Variants in MSRA observed in about 807,000 individuals in gnomAD.
The protein encoded by MSRA is mitochondrial peptide methionine sulfoxide reductase.
MSRA carries 54 observed loss-of-function variants against 31.3 expected under a neutral mutation model. The ratio of observed to expected loss-of-function variants is 1.73; its 90% CI spans 1.39 to 2.17. The LOEUF (loss-of-function observed/expected upper bound fraction) is 2.17. Ranked by LOEUF, MSRA falls within the 30% of genes most tolerant of loss-of-function variation. The probability of loss-of-function intolerance (pLI) is 0.00; values close to 1 mark genes in which losing one functional copy is unlikely to be tolerated. For synonymous variants in MSRA, 169 were observed against 116.5 expected (o/e 1.45, Z -2.90); for missense variants, 507 against 300.9 (o/e 1.69, Z -5.07).
chr8:10,166,420 A>G (rs1585074916), intron 1 of MSRA, among the ~76,000 whole-genome samples: 1 of 151,878 alleles, frequency 6.6e-6, no homozygotes, highest in Non-Finnish European at 1.5e-5. Flanking sequence ...GTGTTTGCAT[A>G]TGTCTGTGCG....
At chr8:10,131,088 C>T (rs189781745) in intron 1 of MSRA, among the ~76,000 whole-genome samples, 2 of 152,182 alleles carry the variant, frequency 1.3e-5, no homozygotes, top group African/African-American at 4.8e-5. Context: ...TTGCTTTGTT[C>T]CTTTGTTTCT....
intron 1 of MSRA, among the ~76,000 whole-genome samples, chr8:10,057,995 TTTTA>T (rs1802492987): frequency 2.0e-5 from 3 of 152,236 alleles, no homozygotes; most frequent in African/African-American, 7.2e-5. Context: ...AATCTTACCT[TTTTA>T]TAGAGTATCA....
intron 1 of MSRA, among the ~76,000 whole-genome samples, chr8:10,201,676 A>G (rs1179891499): frequency 1.3e-5 from 2 of 152,260 alleles, no homozygotes; most frequent in African/African-American, 4.8e-5. Flanking sequence ...ACAAAACAAA[A>G]TAAAAAGCAA....
intron 1 of MSRA, among the ~76,000 whole-genome samples, chr8:10,157,249 A>G (rs1804233440): frequency 6.6e-6 from 1 of 152,164 alleles, no homozygotes; most frequent in Non-Finnish European, 1.5e-5. Flanking sequence ...CCCTTGATGT[A>G]TGGTATTTGA....
At chr8:10,205,574 C>G (rs559225317) in intron 1 of MSRA, among the ~76,000 whole-genome samples, 5 of 152,166 alleles carry the variant, frequency 3.3e-5, no homozygotes, top group Admixed American at 1.3e-4. Flanking sequence ...ATCGACAGAC[C>G]TTGATGGATT....
intron 3 of MSRA, among the ~76,000 whole-genome samples, chr8:10,278,580 C>G (rs1799448718): frequency 6.6e-6 from 1 of 152,190 alleles, no homozygotes; most frequent in African/African-American, 2.4e-5. Flanking sequence ...GGCCTGTAGG[C>G]CTTGGCTCAG....
intron 3 of MSRA, among the ~76,000 whole-genome samples, chr8:10,279,212 G>A (rs2975646): frequency 2.0e-5 from 3 of 152,156 alleles, no homozygotes; most frequent in Non-Finnish European, 2.9e-5. Flanking sequence ...GTGGGGTGAT[G>A]ATTAAAGCGT....
rs1378529991 is a variant in MSRA, at chr8:10,204,179, TA to T, written c.143-3648del. ...TTATGTTATTACAACAGTCGAAAAGTAAAAAATAGTTTAAAAGTTTATAAAG... is the reference window on the plus strand; with the variant it reads ...TTATGTTATTACAACAGTCGAAAAGTAAAAATAGTTTAAAAGTTTATAAAG... On this transcript the variant is annotated intron_variant, in intron 1 of 5. Transcript: ENST00000317173. Among the ~76,000 whole-genome samples, 3 of 152,138 alleles carry T rather than the reference TA, an allele frequency of 2.0e-5. No homozygotes were observed. In the East Asian group the frequency reaches 5.8e-4, roughly 29 times the overall value.
chr8:10,156,801 C>G (rs1453797948), intron 1 of MSRA, among the ~76,000 whole-genome samples: 1 of 140,440 alleles, frequency 7.1e-6, no homozygotes, highest in African/African-American at 2.7e-5. Context: ...TATCGATAAG[C>G]TTCATTCCTT....
intron 1 of MSRA, among the ~76,000 whole-genome samples, chr8:10,094,400 A>G (rs1243047855): frequency 1.3e-5 from 2 of 152,254 alleles, no homozygotes; most frequent in African/African-American, 2.4e-5. Context: ...TGAAGATGAC[A>G]CATTTGATTG....
chr8:10,305,329 T>C (rs1801069171), intron 4 of MSRA, among the ~76,000 whole-genome samples: 1 of 151,952 alleles, frequency 6.6e-6, no homozygotes, highest in Non-Finnish European at 1.5e-5. Context: ...GCATGTTCTT[T>C]CCTGCTTCAA....
chr8:10,301,736 A>C (rs2129125635), intron 4 of MSRA, 98 bp downstream of exon 4: 3 of 924,892 alleles, frequency 3.2e-6, no homozygotes, highest in East Asian at 2.6e-5. Flanking sequence ...TTGAAATCAC[A>C]CAGGAGCTCA....
Position 10,428,640 on chromosome 8 carries a change from A to G in MSRA, c.*328A>G, listed in dbSNP as rs113928825. On this transcript the variant is annotated 3_prime_UTR_variant, in exon 6 of 6. Transcript: ENST00000317173. ...GGGAGGTTGCTGGACAGGATGGGGG[A>G]CCCCAGAAGTCCTTTATCTGTGCTC... The G allele has an allele frequency of 1.6e-3, 480 of 300,790 alleles. 4 individuals carry two copies. The highest frequency in any genetic ancestry group is 9.6e-3 in the African/African-American group (423 of 44,226). The allele number at this position is 300,790 out of a possible 1,614,324, so 18.6% of individuals were successfully genotyped here. A position where few individuals can be genotyped will look rare whatever the true frequency, so the allele number is the denominator to read the frequency against.
chr8:10,181,729 G>A (rs1216494144), intron 1 of MSRA, among the ~76,000 whole-genome samples: 2 of 152,204 alleles, frequency 1.3e-5, no homozygotes, highest in African/African-American at 4.8e-5. Flanking sequence ...TGGAGGTGGT[G>A]AGAAGTGGTC....
At chr8:10,276,221 C>T (rs1224220464) in intron 3 of MSRA, among the ~76,000 whole-genome samples, 2 of 152,212 alleles carry the variant, frequency 1.3e-5, no homozygotes, top group Admixed American at 6.5e-5. Context: ...CCTGACTGTG[C>T]CTCCTGGAGC....
At chr8:10,054,770 G>T (rs1802221624) in intron 1 of MSRA, 112 bp downstream of exon 1, 1 of 1,230,518 alleles carries the variant, frequency 8.1e-7, no homozygotes, top group Non-Finnish European at 1.0e-6. Context: ...CCTCGGGCGG[G>T]TCGCGGGGTG....
intron 3 of MSRA, among the ~76,000 whole-genome samples, chr8:10,269,166 A>G (rs1003293545): frequency 6.6e-6 from 1 of 152,208 alleles, no homozygotes; most frequent in Non-Finnish European, 1.5e-5. Flanking sequence ...TGCTCAGATA[A>G]TGGGCAAGAG....
In MSRA at chr8:10,138,252, G is replaced by C. The variant is rs562558643; in HGVS notation, c.143-69581G>C. Among the ~76,000 whole-genome samples the C allele has an allele frequency of 2.0e-5, 3 of 152,288 alleles. No homozygotes were observed. The South Asian group carries it at 6.2e-4, about 32-fold the overall frequency. ...TCTCTTTGAGAGGTAATTCATTGGT[G>C]TCAGCTGGTTTCAATAAAGGTGCTA... On this transcript the variant is annotated intron_variant, in intron 1 of 5. Coordinates refer to ENST00000317173, the MANE Select transcript of MSRA (RefSeq NM_012331.5).
intron 3 of MSRA, among the ~76,000 whole-genome samples, chr8:10,288,015 G>T (rs186350002): frequency 6.6e-6 from 1 of 152,084 alleles, no homozygotes; most frequent in South Asian, 2.1e-4. Context: ...CAGAGCTCAT[G>T]CTAGGGTTTA....
Sources: gnomAD v4.1 joint callset for allele counts (sites outside exome capture counted in the v4.1 genomes callset) on GRCh38, gnomAD v4.1.1 for gene constraint, MANE v1.5 for transcripts, NCBI Gene and HGNC (gene_info 2026-07-23, HGNC 2026-07-21) for gene names.